Variants in USP12 observed in about 807,000 individuals in gnomAD.
USP12 encodes the protein ubiquitin carboxyl-terminal hydrolase 12.
Under a neutral mutation model 45.5 loss-of-function variants are expected in USP12, and 19 were observed. The observed-to-expected ratio is 0.42, with a 90% CI of 0.29 to 0.61. USP12 has a LOEUF of 0.61. Ranked by LOEUF, USP12 falls within the 20% of genes least tolerant of loss-of-function variation. The pLI is 0.22. For synonymous variants in USP12, 149 were observed against 148.8 expected (o/e 1.00, Z -0.01); for missense variants, 242 against 447.7 (o/e 0.54, Z 4.15).
In USP12 at chr13:27,094,290, G is replaced by C. The variant is rs142156788; in HGVS notation, c.573+1311C>G. ...AGGCTGAGGCAGGTGGGTTACTTGA[G>C]GGCAGGAGTTCAAGACCAGCCTGGG... On this transcript the variant is annotated intron_variant, in intron 4 of 8. Transcript: ENST00000282344. 4.1e-3 allele frequency among the ~76,000 whole-genome samples: 624 copies of C among 152,128 alleles called. 6 individuals are homozygous for C. Among genetic ancestry groups the C allele is most frequent in the Admixed American group, 5.6e-3 (86 of 15,280 alleles).
In USP12 at chr13:27,070,505, T is replaced by TTA. The variant is rs201262568; in HGVS notation, c.1011+565_1011+566insTA. On this transcript the variant is annotated intron_variant, in intron 8 of 8. Transcript: ENST00000282344. ...ACTGTATGTATGTTACATGGCTTAA[T>TTA]TTTTTTTTTTTAAAGCCAGGTCTGT... Among the ~76,000 whole-genome samples, 3 of 119,724 alleles carry TTA rather than the reference T, an allele frequency of 2.5e-5. No homozygotes were observed. In the East Asian group the frequency reaches 1.1e-3, roughly 44 times the overall value. The allele number at this position is 119,724 out of a possible 152,430, so 78.5% of individuals were successfully genotyped here.
In USP12 at chr13:27,075,210, C is replaced by A; in HGVS notation, c.913G>T (p.Val305Phe). 1 of 1,613,922 alleles carries A rather than the reference C, an allele frequency of 6.2e-7. No individual in the cohort carries two copies. Among genetic ancestry groups the A allele is most frequent in the East Asian group, 2.2e-5 (1 of 44,868 alleles). Reference protein sequence around the residue: ...NPDRMYDLVAVVVHCGSGPNR... With the variant: ...NPDRMYDLVAFVVHCGSGPNR... ...AATTACCTTCCACAGTGAACCACAA[C>A]AGCAACAAGGTCGTACATTCTGTCT... is the stretch of plus-strand genomic sequence containing the variant. The change falls in exon 7 of 9, where the codon GTT (valine) becomes TTT (phenylalanine). Residue 305 changes from valine to phenylalanine, a missense_variant. Val to Phe is a conservative substitution (Grantham distance 50). Transcript: ENST00000282344.
chr13:27,147,661 C>CT (rs1236921844), intron 1 of USP12, among the ~76,000 whole-genome samples: 3 of 151,830 alleles, frequency 2.0e-5, no homozygotes, highest in Non-Finnish European at 2.9e-5. Flanking sequence ...GGATGCATCA[C>CT]TTATAAGGGA....
intron 1 of USP12, among the ~76,000 whole-genome samples, chr13:27,153,888 G>T (rs944321515): frequency 1.3e-5 from 2 of 152,160 alleles, no homozygotes; most frequent in African/African-American, 4.8e-5. Context: ...GTCTCTAGAA[G>T]TCCAGGCTCT....
chr13:27,093,334 G>A (rs961443998), intron 4 of USP12, among the ~76,000 whole-genome samples: 3 of 147,420 alleles, frequency 2.0e-5, no homozygotes, highest in Non-Finnish European at 4.5e-5. Context: ...CTTAAAATTC[G>A]ACAATACTCA....
At chr13:27,096,624 T>G (rs2497962) in intron 3 of USP12, among the ~76,000 whole-genome samples, 24 of 152,204 alleles carry the variant, frequency 1.6e-4, no homozygotes, top group South Asian at 6.2e-4. Flanking sequence ...TTTGTAAACA[T>G]GAAAATGGGA....
Position 27,171,627 on chromosome 13 carries a change from T to C in USP12, c.13A>G (p.Met5Val). The change falls in exon 1 of 9, where the codon ATG becomes GTG. Residue 5 changes from methionine (M) to valine (V), a missense_variant. By Grantham distance (21) the Met-to-Val change is conservative. This residue lies in a region of USP12 where 19 missense variants were observed against 16.1 expected (regional missense o/e 1.18). Transcript: ENST00000282344. Reference protein sequence around the residue: MEILMTVSKFASICT... With the variant: MEILVTVSKFASICT... ...ATGGAGGCGAATTTGGAGACTGTCA[T>C]TAGGATTTCCATCCGGCCAGCGCCA... The C allele has an allele frequency of 7.7e-7, 1 of 1,294,726 alleles. No individual in the cohort carries two copies. The highest frequency in any genetic ancestry group is 1.0e-6 in the Non-Finnish European group (1 of 989,484). 80.2% of individuals were successfully genotyped at this position (1,294,726 alleles called of 1,614,324 possible).
At chr13:27,144,877 G>A (rs115105349) in intron 1 of USP12, among the ~76,000 whole-genome samples, 3,172 of 150,846 alleles carry the variant, frequency 0.021, 115 homozygotes, top group African/African-American at 0.074. Flanking sequence ...CCGGGTAATA[G>A]GGCCAAATCC....
At chr13:27,159,054 G>C (rs1216263239) in intron 1 of USP12, among the ~76,000 whole-genome samples, 2 of 152,126 alleles carry the variant, frequency 1.3e-5, no homozygotes, top group Admixed American at 6.5e-5. Flanking sequence ...GGAAAGGGCG[G>C]CCCCTCTTCC....
intron 1 of USP12, chr13:27,170,183 G>C (rs190685264): frequency 3.7e-4 from 148 of 397,188 alleles, no homozygotes; most frequent in African/African-American, 2.5e-3. Context: ...TTGGGAAATG[G>C]AGTCTTCAAT....
Position 27,066,298 on chromosome 13 carries a change from A to G in USP12, c.*2985T>C, listed in dbSNP as rs2137745872. On this transcript the variant is annotated 3_prime_UTR_variant, in exon 9 of 9. Transcript: ENST00000282344. Reference sequence around the variant, plus strand: ...AGGTATTACTCCCATTTTACAAGACAGGGAGACTGAAGCACAGAGAGGTTA... The same window carrying G: ...AGGTATTACTCCCATTTTACAAGACGGGGAGACTGAAGCACAGAGAGGTTA... 1 of 152,482 alleles carries G rather than the reference A, an allele frequency of 6.6e-6. No homozygotes were observed. Among genetic ancestry groups the G allele is most frequent in the East Asian group, 1.9e-4 (1 of 5,194 alleles). 9.4% of individuals were successfully genotyped at this position (152,482 alleles called of 1,614,324 possible). A position where few individuals can be genotyped will look rare whatever the true frequency, so the allele number is the denominator to read the frequency against.
chr13:27,106,351 T>C (rs1287018241), intron 2 of USP12, among the ~76,000 whole-genome samples: 1 of 134,560 alleles, frequency 7.4e-6, no homozygotes, highest in Non-Finnish European at 1.5e-5. Context: ...GGTATGTCAC[T>C]ACATCTTACT....
chr13:27,069,187 T>C lies in USP12; in HGVS notation c.*96A>G. 1.9e-6 allele frequency: 2 copies of C among 1,061,550 alleles called. No homozygotes were observed. Among genetic ancestry groups the C allele is most frequent in the African/African-American group, 1.6e-5 (1 of 63,534 alleles). The allele number at this position is 1,061,550 out of a possible 1,614,324, so 65.8% of individuals were successfully genotyped here. A position where few individuals can be genotyped will look rare whatever the true frequency, so the allele number is the denominator to read the frequency against. ...GTGTGCTACTGCCCCCTGAGCTTCCTGCATTTCTCTTTTCTTGAAAAATCA... is the reference window on the plus strand; with the variant it reads ...GTGTGCTACTGCCCCCTGAGCTTCCCGCATTTCTCTTTTCTTGAAAAATCA... On this transcript the variant is annotated 3_prime_UTR_variant, in exon 9 of 9. Coordinates refer to ENST00000282344, the MANE Select transcript of USP12 (RefSeq NM_182488.4).
chr13:27,163,735 G>C (rs993759312), intron 1 of USP12, among the ~76,000 whole-genome samples: 1 of 136,800 alleles, frequency 7.3e-6, no homozygotes, highest in Non-Finnish European at 1.5e-5. Context: ...TTAAATGTAG[G>C]AGACAGCCTG....
chr13:27,141,455 C>A (rs1489182230), intron 1 of USP12, among the ~76,000 whole-genome samples: 1 of 152,116 alleles, frequency 6.6e-6, no homozygotes, highest in Non-Finnish European at 1.5e-5. Context: ...TAAAAGAAAT[C>A]AAGACACTTT....
intron 2 of USP12, among the ~76,000 whole-genome samples, chr13:27,109,972 C>G (rs1875351688): frequency 6.7e-6 from 1 of 149,150 alleles, no homozygotes; most frequent in South Asian, 2.1e-4. Flanking sequence ...TCCAATACCA[C>G]TGCATTGGAT....
chr13:27,114,886 G>A (rs982071252), intron 2 of USP12, among the ~76,000 whole-genome samples: 1 of 152,156 alleles, frequency 6.6e-6, no homozygotes, highest in Non-Finnish European at 1.5e-5. Flanking sequence ...TACTCGGGAG[G>A]CTAAGGCAGG....
intron 1 of USP12, among the ~76,000 whole-genome samples, chr13:27,152,866 T>C (rs980650125): frequency 2.1e-5 from 3 of 142,342 alleles, no homozygotes; most frequent in Non-Finnish European, 3.0e-5. Context: ...GGCGTGAACC[T>C]GGGAGGCGGA....
At chr13:27,163,778 A>AAAAAAAG (rs1878226673) in intron 1 of USP12, among the ~76,000 whole-genome samples, 1 of 44,554 alleles carries the variant, frequency 2.2e-5, no homozygotes, top group Admixed American at 4.1e-4. Context: ...TAAAAAAAAA[A>AAAAAAAG]AAAAAAAGAA....
Sources: allele counts gnomAD v4.1 joint callset (sites outside exome capture counted in the v4.1 genomes callset), GRCh38; gene constraint gnomAD v4.1.1; regional missense constraint gnomAD v4.1.1; transcripts MANE v1.5; gene names NCBI Gene and HGNC (gene_info 2026-07-23, HGNC 2026-07-21).